Variants in GPC5 observed in about 807,000 individuals in gnomAD.
GPC5 encodes glypican-5.
Under a neutral mutation model 53.9 loss-of-function variants are expected in GPC5, and 47 were observed. That is an observed-to-expected ratio of 0.87 (90% CI 0.69 to 1.11). The LOEUF (loss-of-function observed/expected upper bound fraction) is 1.11. GPC5 is among the 50% of genes most tolerant of loss of function. GPC5 has a pLI of 0.00. For missense variants in GPC5, 748 were observed against 713.1 expected, an observed-to-expected ratio of 1.05 and a Z score of -0.56; for synonymous variants, 286 against 263.3, an observed-to-expected ratio of 1.09 and a Z score of -0.84.
At chr13:92,798,282 C>T (rs1022593881) in intron 7 of GPC5, among the ~76,000 whole-genome samples, 9 of 151,814 alleles carry the variant, frequency 5.9e-5, no homozygotes, top group Non-Finnish European at 1.0e-4. Context: ...ATTTGTTATG[C>T]AGCACAAGAT....
At chr13:91,943,510 T>C (rs1472723849) in intron 6 of GPC5, among the ~76,000 whole-genome samples, 4 of 152,158 alleles carry the variant, frequency 2.6e-5, no homozygotes, top group South Asian at 4.1e-4. Context: ...GTATGAGTGA[T>C]TGATGAATTT....
chr13:91,421,759 T>C, intron 1 of GPC5, among the ~76,000 whole-genome samples: 1 of 152,204 alleles, frequency 6.6e-6, no homozygotes, highest in Non-Finnish European at 1.5e-5. Context: ...ACCTTTTGGC[T>C]CAGAATTATA....
At chr13:91,569,455 C>T (rs1033736449) in intron 2 of GPC5, among the ~76,000 whole-genome samples, 2 of 152,090 alleles carry the variant, frequency 1.3e-5, no homozygotes, top group Admixed American at 1.3e-4. Context: ...AGTTTCTGTA[C>T]TATGGCCCTT....
At chr13:92,495,712 G>A (rs1037391901) in intron 7 of GPC5, among the ~76,000 whole-genome samples, 2 of 148,396 alleles carry the variant, frequency 1.3e-5, no homozygotes, top group Admixed American at 6.8e-5. Context: ...GCGGTTTTTT[G>A]TTTTTGTTGT....
chr13:92,561,684 A>G (rs1385262825), intron 7 of GPC5, among the ~76,000 whole-genome samples: 1 of 152,012 alleles, frequency 6.6e-6, no homozygotes, highest in Non-Finnish European at 1.5e-5. Flanking sequence ...CTCTCTCTAC[A>G]ACTGATTTAG....
intron 2 of GPC5, among the ~76,000 whole-genome samples, chr13:91,606,760 T>A (rs1220760085): frequency 6.6e-6 from 1 of 152,154 alleles, no homozygotes; most frequent in Non-Finnish European, 1.5e-5. Flanking sequence ...TTTGTAGTAT[T>A]CCCTGATGGC....
chr13:92,136,364 A>T (rs1345678158), intron 6 of GPC5, among the ~76,000 whole-genome samples: 1 of 150,662 alleles, frequency 6.6e-6, no homozygotes, highest in East Asian at 1.9e-4. Flanking sequence ...TATATCCATA[A>T]TTTTTTATTC....
chr13:92,397,406 T>C (rs1429220913), intron 7 of GPC5, among the ~76,000 whole-genome samples: 2 of 152,218 alleles, frequency 1.3e-5, no homozygotes, highest in Non-Finnish European at 2.9e-5. Flanking sequence ...ACGCCTTTCA[T>C]CTTCTGCTAT....
At chr13:92,558,661 G>A (rs1882586384) in intron 7 of GPC5, among the ~76,000 whole-genome samples, 1 of 151,918 alleles carries the variant, frequency 6.6e-6, no homozygotes. Flanking sequence ...TAGTGTTACA[G>A]GTGATTCTTC....
intron 7 of GPC5, among the ~76,000 whole-genome samples, chr13:92,590,109 A>G (rs995761149): frequency 4.5e-4 from 69 of 152,320 alleles, no homozygotes; most frequent in African/African-American, 1.5e-3. Flanking sequence ...TCAGGCCCCC[A>G]TGGCCAGGGA....
intron 7 of GPC5, among the ~76,000 whole-genome samples, chr13:92,327,121 T>C (rs2043257377): frequency 6.6e-6 from 1 of 152,302 alleles, no homozygotes; most frequent in African/African-American, 2.4e-5. Context: ...ATCTTGTTAA[T>C]GATATTTCAC....
intron 7 of GPC5, among the ~76,000 whole-genome samples, chr13:92,217,158 A>C (rs1316663897): frequency 6.6e-6 from 1 of 152,148 alleles, no homozygotes; most frequent in African/African-American, 2.4e-5. Context: ...AGGCATGAAC[A>C]GTGCATTCGC....
In GPC5 at chr13:91,399,059, ACCTGGC is replaced by A. The variant is rs1461132185; in HGVS notation, c.16_21del (p.Trp6_Pro7del). ...CAGGACGGCGAGGATGGACGCACAG[ACCTGGC>A]CCGTGGGCTTTCGCTGCCTCCTCCT... On this transcript the variant is annotated inframe_deletion, in exon 1 of 8. Transcript: ENST00000377067. 7 of 1,559,640 alleles carry A rather than the reference ACCTGGC, an allele frequency of 4.5e-6. No individual in the cohort carries two copies. In the South Asian group the frequency reaches 5.9e-5, roughly 13 times the overall value.
At chr13:92,269,437 G>C (rs974966924) in intron 7 of GPC5, among the ~76,000 whole-genome samples, 2 of 151,268 alleles carry the variant, frequency 1.3e-5, no homozygotes, top group South Asian at 2.1e-4. Flanking sequence ...ACAGAGTCTC[G>C]CTCTGTCGTC....
At chr13:92,314,736 A>C (rs2043167128) in intron 7 of GPC5, among the ~76,000 whole-genome samples, 1 of 152,144 alleles carries the variant, frequency 6.6e-6, no homozygotes, top group African/African-American at 2.4e-5. Flanking sequence ...GAGAGGAGAA[A>C]CTGAGTAAGT....
intron 7 of GPC5, among the ~76,000 whole-genome samples, chr13:92,341,552 T>C (rs1422548847): frequency 6.6e-6 from 1 of 152,136 alleles, no homozygotes; most frequent in African/African-American, 2.4e-5. Flanking sequence ...GTAAATTTTC[T>C]TCAAAAATAT....
chr13:92,019,305 A>G (rs959165399), intron 6 of GPC5, among the ~76,000 whole-genome samples: 1 of 151,848 alleles, frequency 6.6e-6, no homozygotes, highest in Non-Finnish European at 1.5e-5. Flanking sequence ...TTTTACTATT[A>G]TCTGTCTATA....
chr13:92,070,711 A>G (rs1296710878), intron 6 of GPC5, among the ~76,000 whole-genome samples: 1 of 152,170 alleles, frequency 6.6e-6, no homozygotes, highest in Non-Finnish European at 1.5e-5. Flanking sequence ...CGGACCACTT[A>G]TCTTAAAACA....
intron 2 of GPC5, among the ~76,000 whole-genome samples, chr13:91,685,900 G>A (rs1381694625): frequency 6.7e-6 from 1 of 150,252 alleles, no homozygotes; most frequent in African/African-American, 2.5e-5. Flanking sequence ...TTTAAATAAA[G>A]AAGAACCATG....
Sources: allele counts gnomAD v4.1 joint callset (sites outside exome capture counted in the v4.1 genomes callset), GRCh38; gene constraint gnomAD v4.1.1; transcripts MANE v1.5; gene names NCBI Gene and HGNC (gene_info 2026-07-23, HGNC 2026-07-21).